The following CLASP1 variants were observed in gnomAD, a reference collection of about 807,000 sequenced individuals.
CLASP1 encodes the protein cytoplasmic linker associated protein 1.
CLASP1 carries 38 observed loss-of-function variants against 192.3 expected under a neutral mutation model. The observed-to-expected ratio is 0.20, with a 90% confidence interval of 0.15 to 0.26. CLASP1 has a LOEUF of 0.26. Ranked by LOEUF, CLASP1 falls within the 10% of genes least tolerant of loss-of-function variation. The pLI, the probability that CLASP1 is intolerant of heterozygous loss-of-function variation, is 1.00. For missense variants in CLASP1, 1,433 were observed against 1,932.5 expected (o/e 0.74, Z 4.85); for synonymous variants, 691 against 712.8 (o/e 0.97, Z 0.49).
At chr2:121,600,183 T>C (rs894589900) in intron 2 of CLASP1, among the ~76,000 whole-genome samples, 3 of 152,164 alleles carry the variant, frequency 2.0e-5, no homozygotes, top group Admixed American at 1.3e-4. Context: ...AGATCACTCA[T>C]GGAACCAGTA....
At position 121,490,324 on chromosome 2, in the gene CLASP1, G is replaced by A. The variant is rs578108715; in HGVS notation, c.712+12843C>T. ...AATCCTGGTACCAAATAAAAACACT[G>A]CTCTGAAAGCTATACCTACTCACAG... On this transcript the variant is annotated intron_variant, in intron 8 of 39. Transcript: ENST00000263710. 14 of 452,822 alleles carry A rather than the reference G, an allele frequency of 3.1e-5. No homozygotes were observed. In the East Asian group the frequency reaches 9.3e-4, roughly 30 times the overall value. The allele number at this position is 452,822 out of a possible 1,614,324, so 28.1% of individuals were successfully genotyped here.
intron 20 of CLASP1, among the ~76,000 whole-genome samples, chr2:121,427,680 T>C (rs1443832988): frequency 6.6e-6 from 1 of 152,232 alleles, no homozygotes; most frequent in Non-Finnish European, 1.5e-5. Context: ...GGCTCACATC[T>C]GCTTTCTAGC....
intron 30 of CLASP1, among the ~76,000 whole-genome samples, chr2:121,393,058 C>G (rs1174881537): frequency 6.6e-6 from 1 of 152,164 alleles, no homozygotes; most frequent in Admixed American, 6.5e-5. Context: ...ATCAATTAAT[C>G]TGGGTTATAT....
At chr2:121,537,405 AAGAG>A (rs530114114) in intron 2 of CLASP1, among the ~76,000 whole-genome samples, 29 of 151,204 alleles carry the variant, frequency 1.9e-4, no homozygotes, top group Admixed American at 3.3e-4. Context: ...GAAAAAAAAA[AAGAG>A]AGAGAGAGAG....
In CLASP1 at chr2:121,434,902, C is replaced by A. The variant is rs1021315278; in HGVS notation, c.1913-4725G>T. 9.9e-5 allele frequency among the ~76,000 whole-genome samples: 15 copies of A among 152,136 alleles called. 1 individual carries two copies. The highest frequency in any genetic ancestry group is 2.2e-4 in the Non-Finnish European group (15 of 68,030). ...TACTGGCATGAGCCACCATGCCCAA[C>A]TTTAGTGTCTTTCATCAATTACAAA... On this transcript the variant is annotated intron_variant, in intron 19 of 39. Coordinates refer to ENST00000263710, the Ensembl canonical transcript of CLASP1.
intron 5 of CLASP1, 74 bp from the exon 6 acceptor site, chr2:121,525,994 T>C: frequency 9.4e-7 from 1 of 1,069,196 alleles, no homozygotes; most frequent in Admixed American, 1.9e-5. Flanking sequence ...TGCCCACACC[T>C]GCCCTTCCCG....
intron 2 of CLASP1, among the ~76,000 whole-genome samples, chr2:121,592,488 C>A (rs1303464298): frequency 1.2e-4 from 19 of 152,100 alleles, no homozygotes; most frequent in Admixed American, 1.1e-3. Flanking sequence ...TCAAAATATT[C>A]TATTTTGATA....
At chr2:121,638,653 G>A (rs2071374362) in intron 1 of CLASP1, among the ~76,000 whole-genome samples, 2 of 148,716 alleles carry the variant, frequency 1.3e-5, no homozygotes, top group East Asian at 3.9e-4. Flanking sequence ...AATAAAAAAA[G>A]AATGGTGTTC....
exon 31 of CLASP1, chr2:121,387,832 T>C (rs2073592272): frequency 2.5e-6 from 4 of 1,613,656 alleles, no homozygotes; most frequent in Non-Finnish European, 3.4e-6. Flanking sequence ...GGAATGTTTT[T>C]GGCAAGGCAC....
At chr2:121,543,419 C>T (rs1223911011) in intron 2 of CLASP1, among the ~76,000 whole-genome samples, 1 of 152,190 alleles carries the variant, frequency 6.6e-6, no homozygotes, top group Non-Finnish European at 1.5e-5. Flanking sequence ...CATCCAGATA[C>T]ATCCCATAAA....
chr2:121,442,664 G>C (rs1163895796), intron 19 of CLASP1, among the ~76,000 whole-genome samples: 1 of 152,016 alleles, frequency 6.6e-6, no homozygotes, highest in Non-Finnish European at 1.5e-5. Flanking sequence ...ATTCTTAATA[G>C]AGACGGGGTT....
chr2:121,343,816 C>A (rs539734395), intron 39 of CLASP1, among the ~76,000 whole-genome samples: 1 of 152,160 alleles, frequency 6.6e-6, no homozygotes, highest in South Asian at 2.1e-4. Flanking sequence ...GTGGCTCACA[C>A]CTGTAATCCC....
In CLASP1 at chr2:121,348,733, T is replaced by C. The variant is rs578005787; in HGVS notation, c.4207-15A>G. 4.2e-5 allele frequency: 67 copies of C among 1,577,658 alleles called. No individual in the cohort carries two copies. In the African/African-American group the frequency reaches 7.3e-4, roughly 17 times the overall value. ...GCTCTCACCACCTGAAACACCCAGT[T>C]CCCCCAAAGAGTGAGCTCCACATGC... On this transcript the variant is annotated splice_polypyrimidine_tract_variant and intron_variant, in intron 37 of 39. Transcript: ENST00000263710.
intron 8 of CLASP1, among the ~76,000 whole-genome samples, chr2:121,493,903 T>C (rs2093424962): frequency 6.6e-6 from 1 of 152,210 alleles, no homozygotes; most frequent in East Asian, 1.9e-4. Flanking sequence ...TGAGGTATCA[T>C]CTCACCCCAG....
At chr2:121,502,267 A>C (rs921340022) in intron 8 of CLASP1, among the ~76,000 whole-genome samples, 1 of 152,190 alleles carries the variant, frequency 6.6e-6, no homozygotes, top group African/African-American at 2.4e-5. Context: ...ATGCTCATTG[A>C]GAAAAAAAAT....
chr2:121,589,203 C>T (rs912354271), intron 2 of CLASP1, among the ~76,000 whole-genome samples: 1 of 152,168 alleles, frequency 6.6e-6, no homozygotes, highest in Admixed American at 6.5e-5. Flanking sequence ...GACTTGCCTC[C>T]TATGATGAGA....
chr2:121,563,938 G>A (rs1406886010), intron 2 of CLASP1, among the ~76,000 whole-genome samples: 1 of 152,186 alleles, frequency 6.6e-6, no homozygotes, highest in Non-Finnish European at 1.5e-5. Context: ...AGGCAAGGAG[G>A]AGCAAGTCAT....
Position 121,518,654 on chromosome 2 carries a change from G to A in CLASP1, c.547-2892C>T, listed in dbSNP as rs149805606. ...TGGCCGAGGCAGGCAGATCACTGGAGGTCAGGAGTTCGAGACCAGCCTGGC... is the reference window on the plus strand; with the variant it reads ...TGGCCGAGGCAGGCAGATCACTGGAAGTCAGGAGTTCGAGACCAGCCTGGC... On this transcript the variant is annotated intron_variant, in intron 6 of 39. Transcript: ENST00000263710. Among the ~76,000 whole-genome samples the A allele has an allele frequency of 5.1e-3, 771 of 152,202 alleles. 3 individuals carry two copies. The highest frequency in any genetic ancestry group is 0.024 in the Middle Eastern group (7 of 294).
At chr2:121,538,374 T>C (rs148389705) in intron 2 of CLASP1, among the ~76,000 whole-genome samples, 5,072 of 152,058 alleles carry the variant, frequency 0.033, 112 homozygotes, top group Middle Eastern at 0.062. Context: ...ATTGCGCCAT[T>C]GTACTCCAGC....
Sources: allele counts gnomAD v4.1 joint callset (sites outside exome capture counted in the v4.1 genomes callset), GRCh38; gene constraint gnomAD v4.1.1; transcripts MANE v1.5; gene names NCBI Gene and HGNC (gene_info 2026-07-23, HGNC 2026-07-21).